Variants in GNAQ observed in about 807,000 individuals in gnomAD.
GNAQ encodes the protein G protein subunit alpha q.
Under a neutral mutation model 43.9 loss-of-function variants are expected in GNAQ, and 8 were observed. The ratio of observed to expected loss-of-function variants is 0.18; its 90% CI spans 0.11 to 0.33. The LOEUF is 0.33. GNAQ is among the 10% of genes least tolerant of loss of function. GNAQ has a pLI of 1.00. For missense variants in GNAQ, 158 were observed against 450.8 expected (o/e 0.35, Z 5.88); for synonymous variants, 155 against 170.7 (o/e 0.91, Z 0.71).
At chr9:77,862,772 T>C (rs1827875699) in intron 2 of GNAQ, among the ~76,000 whole-genome samples, 1 of 152,256 alleles carries the variant, frequency 6.6e-6, no homozygotes, top group Non-Finnish European at 1.5e-5. Flanking sequence ...TGGAATTTTC[T>C]TTTCTATCAC....
intron 1 of GNAQ, among the ~76,000 whole-genome samples, chr9:77,985,039 G>A (rs543293316): frequency 9.9e-5 from 15 of 152,274 alleles, no homozygotes; most frequent in African/African-American, 2.9e-4. Context: ...GGCCAGGCGC[G>A]GTGACTCACA....
chr9:77,965,967 T>C (rs937269624), intron 1 of GNAQ, among the ~76,000 whole-genome samples: 1 of 151,788 alleles, frequency 6.6e-6, no homozygotes, highest in Non-Finnish European at 1.5e-5. Context: ...ATAAAGAAAA[T>C]GTAGTACATC....
chr9:78,016,433 C>A (rs990961357), intron 1 of GNAQ, among the ~76,000 whole-genome samples: 1 of 152,168 alleles, frequency 6.6e-6, no homozygotes, highest in Non-Finnish European at 1.5e-5. Flanking sequence ...CACCTGTAAT[C>A]CCAGCACTTT....
intron 1 of GNAQ, among the ~76,000 whole-genome samples, chr9:77,944,899 G>A (rs1186901935): frequency 6.6e-6 from 1 of 152,150 alleles, no homozygotes; most frequent in African/African-American, 2.4e-5. Context: ...TCCAAAGAGA[G>A]CAAAGGAAAC....
chr9:77,850,575 C>T (rs1827659407), intron 2 of GNAQ, among the ~76,000 whole-genome samples: 1 of 152,148 alleles, frequency 6.6e-6, no homozygotes, highest in South Asian at 2.1e-4. Context: ...CTTTCCACAG[C>T]TCCACACGAT....
intron 1 of GNAQ, among the ~76,000 whole-genome samples, chr9:77,927,747 C>T (rs1280007057): frequency 7.2e-5 from 11 of 152,080 alleles, no homozygotes; most frequent in Admixed American, 7.2e-4. Context: ...TTCACACTGC[C>T]AGGGCCTTTC....
intron 1 of GNAQ, among the ~76,000 whole-genome samples, chr9:78,006,898 T>C (rs1823713626): frequency 6.6e-6 from 1 of 152,204 alleles, no homozygotes; most frequent in Non-Finnish European, 1.5e-5. Context: ...AGTTCTTTGC[T>C]AGTGAGGTTT....
At chr9:77,861,526 T>C (rs1359837819) in intron 2 of GNAQ, among the ~76,000 whole-genome samples, 1 of 152,136 alleles carries the variant, frequency 6.6e-6, no homozygotes, top group Non-Finnish European at 1.5e-5. Context: ...GCAAGTTAGT[T>C]ACTTCCTAGA....
At chr9:77,933,647 A>AG (rs1270495864) in intron 1 of GNAQ, among the ~76,000 whole-genome samples, 5 of 151,798 alleles carry the variant, frequency 3.3e-5, no homozygotes, top group Admixed American at 1.3e-4. Flanking sequence ...TCTCAAAAAA[A>AG]AAAAGTGGCA....
At chr9:77,835,868 T>C (rs1564125558) in intron 2 of GNAQ, among the ~76,000 whole-genome samples, 1 of 152,338 alleles carries the variant, frequency 6.6e-6, no homozygotes, top group Non-Finnish European at 1.5e-5. Context: ...GACTCTTCTC[T>C]TGCCTGTCTT....
intron 1 of GNAQ, among the ~76,000 whole-genome samples, chr9:78,023,406 C>T (rs1466220840): frequency 6.6e-6 from 1 of 152,106 alleles, no homozygotes; most frequent in African/African-American, 2.4e-5. Context: ...TCTGAGGAAC[C>T]TCTTTAGCAT....
chr9:77,995,138 A>G (rs1168023154), intron 1 of GNAQ, among the ~76,000 whole-genome samples: 2 of 152,194 alleles, frequency 1.3e-5, no homozygotes, highest in African/African-American at 4.8e-5. Context: ...TACTCTACAT[A>G]CTCTACATAT....
chr9:77,771,182 A>T (rs1008733048), intron 5 of GNAQ, among the ~76,000 whole-genome samples: 7 of 152,144 alleles, frequency 4.6e-5, no homozygotes, highest in African/African-American at 1.7e-4. Flanking sequence ...ATTCTATGCT[A>T]TCTCTTTCCT....
intron 1 of GNAQ, among the ~76,000 whole-genome samples, chr9:77,990,192 A>G (rs1823491198): frequency 6.6e-6 from 1 of 152,130 alleles, no homozygotes. Context: ...GAATTGGAGG[A>G]TTCTTGTTGA....
At chr9:77,998,290 T>C (rs1181665792) in intron 1 of GNAQ, among the ~76,000 whole-genome samples, 1 of 152,252 alleles carries the variant, frequency 6.6e-6, no homozygotes, top group Non-Finnish European at 1.5e-5. Flanking sequence ...GCCTTTTTTG[T>C]CTGCAGCATT....
At chr9:78,026,347 C>T (rs1188608277) in intron 1 of GNAQ, among the ~76,000 whole-genome samples, 1 of 152,162 alleles carries the variant, frequency 6.6e-6, no homozygotes, top group African/African-American at 2.4e-5. Flanking sequence ...GTCAGAGCCA[C>T]AGTTTTGATT....
rs1488689806 is a variant in GNAQ, at chr9:78,014,147, GGAGT to G, written c.136+16949_136+16952del. On this transcript the variant is annotated intron_variant, in intron 1 of 6. Coordinates refer to ENST00000286548, the MANE Select transcript of GNAQ (RefSeq NM_002072.5). ...CAACAAACCCAATACAAATTCCAAA[GGAGT>G]GAGAAAGAGAAAAGGAAATAATGGA... Among the ~76,000 whole-genome samples the G allele has an allele frequency of 5.9e-5, 9 of 152,238 alleles. No homozygotes were observed. The East Asian group carries it at 1.7e-3, about 29-fold the overall frequency.
intron 5 of GNAQ, among the ~76,000 whole-genome samples, chr9:77,737,917 A>G (rs891759829): frequency 6.6e-6 from 1 of 152,232 alleles, no homozygotes; most frequent in African/African-American, 2.4e-5. Context: ...AGATTTAGCC[A>G]GAAGCAGACA....
At chr9:77,956,043 A>C (rs1373558251) in intron 1 of GNAQ, among the ~76,000 whole-genome samples, 2 of 152,210 alleles carry the variant, frequency 1.3e-5, no homozygotes, top group Non-Finnish European at 2.9e-5. Flanking sequence ...TGATTTATTA[A>C]GTTTTTTAAA....
Sources: allele counts gnomAD v4.1 joint callset (sites outside exome capture counted in the v4.1 genomes callset), GRCh38; gene constraint gnomAD v4.1.1; transcripts MANE v1.5; gene names NCBI Gene and HGNC (gene_info 2026-07-23, HGNC 2026-07-21).